DMD: variants seen among roughly 807,000 people sequenced by gnomAD.
The protein encoded by DMD is mutant dystrophin.
A neutral mutation model predicts 330.1 loss-of-function variants in DMD; 63 were observed. The ratio of observed to expected loss-of-function variants is 0.19; its 90% confidence interval spans 0.16 to 0.24. The LOEUF is 0.24. Ranked by LOEUF, DMD falls within the 10% of genes least tolerant of loss-of-function variation. The pLI is 1.00. For missense variants in DMD, 3,344 were observed against 2,684.1 expected (o/e 1.25, Z -5.43); for synonymous variants, 1,223 against 959.8 (o/e 1.27, Z -5.07).
intron 60 of DMD, among the ~76,000 whole-genome samples, chrX:31,377,464 T>C (rs1331277789): frequency 2.7e-5 from 3 of 112,266 alleles, no homozygotes; most frequent in Non-Finnish European, 5.6e-5. Flanking sequence ...AGACTAGATC[T>C]TGAAGGCCCC....
At chrX:33,279,971 T>TCTAGATATCAAGTTCTTG (rs1281836191) in intron 1 of DMD, among the ~76,000 whole-genome samples, 2 of 108,100 alleles carry the variant, frequency 1.9e-5, no homozygotes, top group Non-Finnish European at 1.9e-5. Flanking sequence ...TATCTAGATA[T>TCTAGATATCAAGTTCTTG]ATGGTTTGCC....
intron 44 of DMD, among the ~76,000 whole-genome samples, chrX:32,056,071 G>T (rs958782876): frequency 9.0e-6 from 1 of 111,071 alleles, no homozygotes; most frequent in Non-Finnish European, 1.9e-5. Flanking sequence ...TTAGTGATTT[G>T]ATAAATTAAA....
intron 34 of DMD, among the ~76,000 whole-genome samples, chrX:32,368,474 T>C (rs2097861982): frequency 9.0e-6 from 1 of 111,495 alleles, no homozygotes. Flanking sequence ...AAAGTTAGAA[T>C]ACAAGGCTGC....
intron 44 of DMD, among the ~76,000 whole-genome samples, chrX:32,158,157 T>C (rs1021339803): frequency 2.7e-5 from 3 of 111,529 alleles, no homozygotes; most frequent in Non-Finnish European, 3.8e-5. Context: ...TGGCTTCAAC[T>C]TCCACATCCA....
intron 7 of DMD, among the ~76,000 whole-genome samples, chrX:32,753,970 A>G (rs1217980685): frequency 2.7e-5 from 3 of 110,907 alleles, no homozygotes; most frequent in Non-Finnish European, 5.7e-5. Flanking sequence ...GATTTAGCCT[A>G]TCATGAAAAA....
chrX:31,799,099 C>T (rs901909439), intron 50 of DMD, among the ~76,000 whole-genome samples: 2 of 111,821 alleles, frequency 1.8e-5, no homozygotes, highest in African/African-American at 6.5e-5. Flanking sequence ...CTGAGTCTTG[C>T]TCGTAATTAT....
At chrX:31,766,040 T>C (rs1311734005) in intron 51 of DMD, among the ~76,000 whole-genome samples, 1 of 111,141 alleles carries the variant, frequency 9.0e-6, no homozygotes, top group South Asian at 3.8e-4. Context: ...CCAAAAGTTA[T>C]GGTGAAATGG....
intron 13 of DMD, 49 bp downstream of exon 13, chrX:32,595,708 A>G (rs1233510036): frequency 1.7e-6 from 2 of 1,155,855 alleles, no homozygotes; most frequent in Non-Finnish European, 2.4e-6. Flanking sequence ...TTTTCAAGTT[A>G]TAGTTCTTTT....
At chrX:32,419,437 A>C (rs1285193062) in intron 29 of DMD, among the ~76,000 whole-genome samples, 1 of 112,273 alleles carries the variant, frequency 8.9e-6, no homozygotes, top group Non-Finnish European at 1.9e-5. Context: ...CTTTAAATAT[A>C]ACTCTTGTGA....
intron 74 of DMD, 72 bp from the exon 75 acceptor site, chrX:31,147,590 A>G: frequency 2.3e-6 from 2 of 859,490 alleles, no homozygotes; most frequent in Admixed American, 2.9e-5. Context: ...AGTAATTTGA[A>G]TATCATCACC....
intron 48 of DMD, among the ~76,000 whole-genome samples, chrX:31,837,137 A>G (rs2093217287): frequency 8.9e-6 from 1 of 112,406 alleles, no homozygotes; most frequent in African/African-American, 3.2e-5. Flanking sequence ...AATAAACACT[A>G]GTTTTAGCTA....
chrX:32,645,060 T>C lies in DMD; in HGVS notation c.1053A>G (p.Val351=), dbSNP rs2059698008. 3 of 1,211,488 alleles carry C rather than the reference T, an allele frequency of 2.5e-6. No individual in the cohort carries two copies. In the East Asian group the frequency reaches 8.9e-5, roughly 36 times the overall value. Residue 351 remains valine (V), a synonymous_variant, in exon 10 of 79, where the codon GTA becomes GTG. Coordinates refer to ENST00000357033, the MANE Select transcript of DMD (RefSeq NM_004006.3). The part of the protein sequence containing the change: ...LDRYQTALEE[V]LSWLLSAEDT... ...CCTCAGCAGAAAGAAGCCACGATAA[T>C]ACTTCTTCTAAAGCTGTTTGATAAC... is the stretch of plus-strand genomic sequence containing the variant.
intron 44 of DMD, among the ~76,000 whole-genome samples, chrX:32,140,384 T>G (rs1344128587): frequency 8.9e-6 from 1 of 112,164 alleles, no homozygotes; most frequent in Admixed American, 9.5e-5. Context: ...ACAAAATATT[T>G]TAAAAGTAGC....
In DMD at chrX:33,068,734, T is replaced by G. The variant is rs1408689056; in HGVS notation, c.32-48534A>C. Among the ~76,000 whole-genome samples, 3 of 112,398 alleles carry G rather than the reference T, an allele frequency of 2.7e-5. No homozygotes were observed. In the East Asian group the frequency reaches 8.4e-4, roughly 32 times the overall value. ...TCAACCTGTAGGTTAAAAATCTGAC[T>G]TTGTGATGCCAAAGAGGAAAGGTAT... On this transcript the variant is annotated intron_variant, in intron 1 of 78. Coordinates refer to ENST00000357033, the MANE Select transcript of DMD (RefSeq NM_004006.3).
At chrX:32,352,903 A>G (rs1453508584) in intron 37 of DMD, among the ~76,000 whole-genome samples, 2 of 110,649 alleles carry the variant, frequency 1.8e-5, no homozygotes, top group Admixed American at 9.6e-5. Flanking sequence ...TCAAAGATAT[A>G]TGCTTGTCTC....
At position 31,811,325 on chromosome X, in the gene DMD, G is replaced by C. The variant is rs140548415; in HGVS notation, c.7309+8650C>G. ...AGCATTGTTGAAGGACCTGGCCTGG[G>C]ACCAGGGACCCCCTACTGCCTTCAT... On this transcript the variant is annotated intron_variant, in intron 50 of 78. Transcript: ENST00000357033. Among the ~76,000 whole-genome samples the C allele has an allele frequency of 5.8e-3, 652 of 111,916 alleles. 7 individuals carry two copies. The highest frequency in any genetic ancestry group is 0.02 in the African/African-American group (616 of 30,820).
intron 53 of DMD, among the ~76,000 whole-genome samples, chrX:31,667,044 A>C (rs1266873300): frequency 8.9e-6 from 1 of 112,154 alleles, no homozygotes; most frequent in Non-Finnish European, 1.9e-5. Context: ...AGGGTTGTGC[A>C]ACCATTATTA....
chrX:32,120,785 C>A (rs1319663432), intron 44 of DMD, among the ~76,000 whole-genome samples: 3 of 111,831 alleles, frequency 2.7e-5, no homozygotes, highest in Non-Finnish European at 5.6e-5. Flanking sequence ...TATACTGAGT[C>A]TCCAAGGTGG....
intron 60 of DMD, among the ~76,000 whole-genome samples, chrX:31,361,655 C>G (rs2058941520): frequency 9.0e-6 from 1 of 111,389 alleles, no homozygotes; most frequent in African/African-American, 3.3e-5. Context: ...ATTTTGCATG[C>G]CATTTGTGAT....
Sources: gnomAD v4.1 joint callset for allele counts (sites outside exome capture counted in the v4.1 genomes callset) on GRCh38, gnomAD v4.1.1 for gene constraint, MANE v1.5 for transcripts, NCBI Gene and HGNC (gene_info 2026-07-23, HGNC 2026-07-21) for gene names.